OPCML: variants seen among roughly 807,000 people sequenced by gnomAD.
OPCML encodes the protein opioid-binding protein/cell adhesion molecule.
Under a neutral mutation model 37.8 loss-of-function variants are expected in OPCML, and 13 were observed. That is an observed-to-expected ratio of 0.34 (90% confidence interval 0.22 to 0.55). OPCML has a LOEUF of 0.55. Ranked by LOEUF, OPCML falls within the 20% of genes least tolerant of loss-of-function variation. The pLI, the probability that OPCML is intolerant of heterozygous loss-of-function variation, is 0.91. For missense variants in OPCML, 341 were observed against 435.6 expected (o/e 0.78, Z 1.93); for synonymous variants, 176 against 168.8 (o/e 1.04, Z -0.33).
intron 1 of OPCML, chr11:133,006,427 T>C (rs1334460193): frequency 1.0e-6 from 1 of 985,288 alleles, no homozygotes; most frequent in Non-Finnish European, 1.2e-6. Flanking sequence ...AAAAAAGTCC[T>C]GCAACAACTG....
chr11:133,395,480 G>A (rs1186039695), intron 1 of OPCML, among the ~76,000 whole-genome samples: 1 of 152,172 alleles, frequency 6.6e-6, no homozygotes, highest in Non-Finnish European at 1.5e-5. Flanking sequence ...CCAGTCCAAT[G>A]TCCTGGAAAG....
chr11:132,422,596 C>T (rs910197944), intron 7 of OPCML, among the ~76,000 whole-genome samples: 5 of 152,186 alleles, frequency 3.3e-5, no homozygotes, highest in African/African-American at 9.7e-5. Flanking sequence ...GTGGCAAGCA[C>T]GATTCTAAAT....
intron 6 of OPCML, 42 bp downstream of exon 6, chr11:132,436,617 C>G (rs759198694): frequency 1.9e-6 from 3 of 1,606,886 alleles, no homozygotes; most frequent in Non-Finnish European, 2.6e-6. Context: ...GATAGACCAT[C>G]AGCTCTGCTT....
At chr11:133,363,180 C>T (rs879909934) in intron 1 of OPCML, among the ~76,000 whole-genome samples, 36 of 152,184 alleles carry the variant, frequency 2.4e-4, no homozygotes, top group Non-Finnish European at 4.6e-4. Flanking sequence ...AAAGGCCCCG[C>T]GGCTACTGGA....
At chr11:132,968,741 A>G (rs1946271751) in intron 1 of OPCML, among the ~76,000 whole-genome samples, 1 of 152,176 alleles carries the variant, frequency 6.6e-6, no homozygotes, top group Non-Finnish European at 1.5e-5. Flanking sequence ...TATTAGTTCC[A>G]GGAATTTTTT....
chr11:133,141,669 C>T (rs1388825201), intron 1 of OPCML, among the ~76,000 whole-genome samples: 1 of 152,160 alleles, frequency 6.6e-6, no homozygotes, highest in Admixed American at 6.5e-5. Flanking sequence ...TGCTTTCTCT[C>T]CAGGGACAGC....
At chr11:133,102,342 C>T (rs1223283800) in intron 1 of OPCML, among the ~76,000 whole-genome samples, 2 of 152,098 alleles carry the variant, frequency 1.3e-5, no homozygotes, top group Non-Finnish European at 2.9e-5. Context: ...TTGCTAACAT[C>T]CTAAAATTTC....
intron 1 of OPCML, among the ~76,000 whole-genome samples, chr11:133,110,144 T>G (rs1467151642): frequency 6.6e-6 from 1 of 152,170 alleles, no homozygotes; most frequent in Non-Finnish European, 1.5e-5. Flanking sequence ...GTGGTAAGGT[T>G]GAACAACCCT....
chr11:133,229,285 G>T (rs1053482961), intron 1 of OPCML, among the ~76,000 whole-genome samples: 5 of 152,112 alleles, frequency 3.3e-5, no homozygotes, highest in African/African-American at 1.2e-4. Context: ...GTAGTCCCCC[G>T]CTTTAACCGT....
intron 2 of OPCML, among the ~76,000 whole-genome samples, chr11:132,735,315 C>A (rs1945217530): frequency 1.3e-5 from 2 of 152,122 alleles, no homozygotes; most frequent in Admixed American, 1.3e-4. Flanking sequence ...CTCAGAGAAC[C>A]ATTCAGTAAG....
chr11:133,100,919 A>T (rs1164606098), intron 1 of OPCML, among the ~76,000 whole-genome samples: 1 of 152,050 alleles, frequency 6.6e-6, no homozygotes, highest in Non-Finnish European at 1.5e-5. Flanking sequence ...TGTTATTTTT[A>T]TTTTATTTTT....
chr11:132,482,008 A>G (rs2096182287), intron 4 of OPCML, among the ~76,000 whole-genome samples: 2 of 149,498 alleles, frequency 1.3e-5, no homozygotes, highest in Non-Finnish European at 3.0e-5. Flanking sequence ...CAATTAAAAG[A>G]ACTAGAAAAG....
intron 2 of OPCML, among the ~76,000 whole-genome samples, chr11:132,706,169 T>C (rs1453950351): frequency 2.6e-5 from 4 of 152,168 alleles, no homozygotes; most frequent in African/African-American, 4.8e-5. Context: ...GCTGAATGCA[T>C]TGCAGATACT....
chr11:133,009,163 T>A (rs1947168189), intron 1 of OPCML: 1 of 985,218 alleles, frequency 1.0e-6, no homozygotes, highest in Non-Finnish European at 1.2e-6. Flanking sequence ...TTACTCTTTG[T>A]CCTTTCAAGA....
At chr11:133,018,314 T>C (rs1282468004) in intron 1 of OPCML, among the ~76,000 whole-genome samples, 1 of 152,206 alleles carries the variant, frequency 6.6e-6, no homozygotes, top group African/African-American at 2.4e-5. Context: ...GAAAGTGCAG[T>C]ATATATGTAT....
chr11:133,395,350 T>TTTGCTG (rs1356913633), intron 1 of OPCML, among the ~76,000 whole-genome samples: 1 of 152,192 alleles, frequency 6.6e-6, no homozygotes, highest in Non-Finnish European at 1.5e-5. Context: ...TTGCTTTTGT[T>TTTGCTG]TTGCTGTTGC....
intron 1 of OPCML, among the ~76,000 whole-genome samples, chr11:133,120,841 T>G (rs572436715): frequency 3.2e-4 from 48 of 152,302 alleles, no homozygotes; most frequent in Middle Eastern, 3.4e-3. Flanking sequence ...GAGCTTCCAA[T>G]GGCCAGGAAG....
intron 1 of OPCML, among the ~76,000 whole-genome samples, chr11:133,082,148 A>T (rs1054227556): frequency 3.8e-4 from 57 of 151,658 alleles, no homozygotes; most frequent in African/African-American, 1.3e-3. Flanking sequence ...GGCCAAGGGC[A>T]GGACAAGCCC....
chr11:132,958,507 C>A (rs1364904333), intron 1 of OPCML, among the ~76,000 whole-genome samples: 1 of 152,202 alleles, frequency 6.6e-6, no homozygotes, highest in Non-Finnish European at 1.5e-5. Flanking sequence ...TTCAGTGTAG[C>A]TGAAGCAACC....
Sources: gnomAD v4.1 joint callset for allele counts (sites outside exome capture counted in the v4.1 genomes callset) on GRCh38, gnomAD v4.1.1 for gene constraint, MANE v1.5 for transcripts, NCBI Gene and HGNC (gene_info 2026-07-23, HGNC 2026-07-21) for gene names.